KLK14: variants seen among roughly 807,000 people sequenced by gnomAD.
KLK14 encodes the protein kallikrein related peptidase 14.
Under a neutral mutation model 24.6 loss-of-function variants are expected in KLK14, and 21 were observed. That is an observed-to-expected ratio of 0.85 (90% CI 0.61 to 1.23). KLK14 has a LOEUF of 1.23. Ranked by LOEUF, KLK14 falls within the 50% of genes most tolerant of loss-of-function variation. The pLI is 0.00. For synonymous variants in KLK14, 133 were observed against 139.7 expected (o/e 0.95, Z 0.34); for missense variants, 320 against 338.9 (o/e 0.94, Z 0.44).
chr19:51,077,856 G>C (rs2122742931), downstream of KLK14: 1 of 674,942 alleles, frequency 1.5e-6, no homozygotes, highest in Non-Finnish European at 2.3e-6. Flanking sequence ...GGAGGGGCTG[G>C]GGGCCTGGAC....
chr19:51,082,898 C>T (rs368879984), upstream of KLK14: 73 of 846,802 alleles, frequency 8.6e-5, 6 homozygotes, highest in Admixed American at 5.5e-4. Flanking sequence ...TTCCTAGTCA[C>T]ACTGGCAAAG....
At chr19:51,082,544 C>A (rs369738539) in intron 2 of KLK14, 31 bp downstream of exon 2, 1 of 1,609,452 alleles carries the variant, frequency 6.2e-7, no homozygotes, top group Non-Finnish European at 8.5e-7. Context: ...TCCAGGGGAC[C>A]CCCTTGTGTC....
intron 3 of KLK14, 109 bp downstream of exon 3, chr19:51,081,423 G>T: frequency 1.9e-6 from 2 of 1,038,154 alleles, no homozygotes; most frequent in Non-Finnish European, 2.6e-6. Flanking sequence ...CAAACCAGGA[G>T]CCAGCCACTA....
At chr19:51,079,765 C>G in intron 3 of KLK14, 63 bp from the exon 4 acceptor site, 1 of 1,500,730 alleles carries the variant, frequency 6.7e-7, no homozygotes, top group Non-Finnish European at 8.9e-7. Context: ...TCCCCACCCT[C>G]CAGCCCGGTT....
upstream of KLK14, among the ~76,000 whole-genome samples, chr19:51,083,270 G>GAA (rs2091851421): frequency 9.4e-6 from 1 of 106,368 alleles, no homozygotes; most frequent in African/African-American, 3.3e-5. Context: ...AGGGAGTCAC[G>GAA]GGAGGAGGGA....
At chr19:51,083,290 A>AGAGG (rs200089117), upstream of KLK14, among the ~76,000 whole-genome samples, 24,832 of 138,226 alleles carry the variant, frequency 0.18, 2,760 homozygotes, top group Middle Eastern at 0.33. Context: ...AGAGAGGGAG[A>AGAGG]GAGAGAGAGA....
chr19:51,082,707 G>T lies in KLK14; in HGVS notation c.-23+15C>A. On this transcript the variant is annotated intron_variant, in intron 1 of 5. Transcript: ENST00000650543. ...AACCGGGGGCTGAGAGGCAGAGACA[G>T]CAAGGGGCACTTACCCAGAGCCCAA... 1 of 1,614,164 alleles carries T rather than the reference G, an allele frequency of 6.2e-7. No individual in the cohort carries two copies. Among genetic ancestry groups the T allele is most frequent in the Non-Finnish European group, 8.5e-7 (1 of 1,180,016 alleles).
chr19:51,081,868 C>G (rs2091841899), intron 2 of KLK14, among the ~76,000 whole-genome samples, 165 bp from the exon 3 acceptor site: 1 of 152,124 alleles, frequency 6.6e-6, no homozygotes, highest in Non-Finnish European at 1.5e-5. Context: ...AATATTGACC[C>G]CGTTATTGCC....
intron 3 of KLK14, among the ~76,000 whole-genome samples, chr19:51,080,700 T>G (rs1180471149): frequency 1.3e-5 from 2 of 152,022 alleles, no homozygotes; most frequent in Non-Finnish European, 2.9e-5. Context: ...TGATATGGAG[T>G]TTCGCTCTTG....
At position 51,082,828 on chromosome 19, in the gene KLK14, G is replaced by A. The variant is rs2091849585; in HGVS notation, c.-129C>T. The A allele has an allele frequency of 3.5e-5, 53 of 1,498,322 alleles. No homozygotes were observed. The South Asian group carries it at 5.5e-4, about 16-fold the overall frequency. The allele number at this position is 1,498,322 out of a possible 1,614,324, so 92.8% of individuals were successfully genotyped here. A position where few individuals can be genotyped will look rare whatever the true frequency, so the allele number is the denominator to read the frequency against. On this transcript the variant is annotated 5_prime_UTR_variant, in exon 1 of 6. Transcript: ENST00000650543. ...CTGCGGGCGGCAGGTGGGAGGATGT[G>A]GAGCAGGGCACAGGTCCCTCCTTGA...
At position 51,082,841 on chromosome 19, in the gene KLK14, G is replaced by T; in HGVS notation, c.-142C>A. On this transcript the variant is annotated 5_prime_UTR_variant, in exon 1 of 6. In the 5' UTR this introduces an upstream ATG that the reference lacks. Transcript: ENST00000650543. ...GTGGGAGGATGTGGAGCAGGGCACA[G>T]GTCCCTCCTTGATGTCTTGATGAAG... The T allele has an allele frequency of 7.2e-7, 1 of 1,390,702 alleles. No individual in the cohort carries two copies. The highest frequency in any genetic ancestry group is 1.2e-5 in the South Asian group (1 of 81,742). The allele number at this position is 1,390,702 out of a possible 1,614,324, so 86.1% of individuals were successfully genotyped here.
Position 51,078,086 on chromosome 19 carries a change from G to A in KLK14, c.677C>T (p.Ala226Val). ...GLVSWGMERC[A>V]LPGYPGVYTN... is the part of the protein sequence containing the mutation. ...GTAGACACCGGGGTAGCCAGGCAGG[G>A]CGCAGCGCTCCATTCCCCAAGACAC... Residue 226 changes from alanine (A) to valine (V), a missense_variant, in exon 6 of 6, where the codon GCC (alanine) becomes GTC (valine). Physicochemically the swap from Ala to Val is moderately conservative, Grantham distance 64 (BLOSUM62 0). Transcript: ENST00000650543. The surrounding 1 kb of genome is among the most constrained non-coding windows in gnomAD (Gnocchi z 5.0). The A allele has an allele frequency of 6.2e-7, 1 of 1,612,534 alleles. No homozygotes were observed. Among genetic ancestry groups the A allele is most frequent in the Non-Finnish European group, 8.5e-7 (1 of 1,179,370 alleles).
At position 51,078,303 on chromosome 19, in the gene KLK14, G is replaced by T; in HGVS notation, c.604-144C>A. On this transcript the variant is annotated intron_variant, in intron 5 of 5. Coordinates refer to ENST00000650543, the MANE Select transcript of KLK14 (RefSeq NM_001369775.2). This position sits in a 1 kb window ranked among gnomAD's most constrained non-coding sequence, Gnocchi z 5.0. Reference sequence around the variant, plus strand: ...GACACAGTCCTGCCCCAGCTCTGAGGTCTCAGCCCCGGAGGTCGGGGCACT... The same window carrying T: ...GACACAGTCCTGCCCCAGCTCTGAGTTCTCAGCCCCGGAGGTCGGGGCACT... 1.1e-6 allele frequency: 1 copy of T among 905,216 alleles called. No homozygotes were observed. The highest frequency in any genetic ancestry group is 1.6e-6 in the Non-Finnish European group (1 of 611,176). The allele number at this position is 905,216 out of a possible 1,614,324, so 56.1% of individuals were successfully genotyped here.
chr19:51,078,203 C>T lies in KLK14; in HGVS notation c.604-44G>A. 6.3e-7 allele frequency: 1 copy of T among 1,595,062 alleles called. No homozygotes were observed. Among genetic ancestry groups the T allele is most frequent in the Non-Finnish European group, 8.5e-7 (1 of 1,169,656 alleles). On this transcript the variant is annotated intron_variant, in intron 5 of 5. Coordinates refer to ENST00000650543, the MANE Select transcript of KLK14 (RefSeq NM_001369775.2). The surrounding 1 kb of genome is among the most constrained non-coding windows in gnomAD (Gnocchi z 5.0). ...AATGGAGACACTGATGGACAGGTAG[C>T]CAGAGCCACCATGGCACAGAGAACC...
upstream of KLK14, among the ~76,000 whole-genome samples, chr19:51,083,075 G>T (rs918642020): frequency 1.3e-5 from 2 of 151,362 alleles, no homozygotes; most frequent in Non-Finnish European, 2.9e-5. Context: ...ATGAGAACCC[G>T]CCCAGGGAAG....
At chr19:51,080,050 A>G (rs913555759) in intron 3 of KLK14, among the ~76,000 whole-genome samples, 1 of 152,176 alleles carries the variant, frequency 6.6e-6, no homozygotes, top group East Asian at 1.9e-4. Context: ...TCTAAATCGG[A>G]ACTGATATTC....
In KLK14 at chr19:51,078,018, G is replaced by T; in HGVS notation, c.745C>A (p.Arg249=). 1 of 1,613,844 alleles carries T rather than the reference G, an allele frequency of 6.2e-7. No individual in the cohort carries two copies. The highest frequency in any genetic ancestry group is 8.5e-7 in the Non-Finnish European group (1 of 1,179,816). Residue 249 remains arginine (R), a synonymous_variant, in exon 6 of 6, where the codon CGG becomes AGG. Coordinates refer to ENST00000650543, the MANE Select transcript of KLK14 (RefSeq NM_001369775.2). The surrounding 1 kb of genome is among the most constrained non-coding windows in gnomAD (Gnocchi z 5.0). ...KYRSWIEETM[R]DK ...CACCGTGAAGACCATCATTTGTCCC[G>T]CATCGTTTCCTCAATCCAGCTTCTG...
At chr19:51,080,107 C>T (rs189461053) in intron 3 of KLK14, among the ~76,000 whole-genome samples, 4 of 152,320 alleles carry the variant, frequency 2.6e-5, no homozygotes, top group Admixed American at 2.6e-4. Context: ...GAGTTCTAGA[C>T]ATCTTAAACT....
At chr19:51,080,263 A>G (rs1192898800) in intron 3 of KLK14, among the ~76,000 whole-genome samples, 1 of 151,614 alleles carries the variant, frequency 6.6e-6, no homozygotes, top group Non-Finnish European at 1.5e-5. Context: ...TCGACCTCCA[A>G]CTCCCAGTTC....
Sources: allele counts gnomAD v4.1 joint callset (sites outside exome capture counted in the v4.1 genomes callset), GRCh38; gene constraint gnomAD v4.1.1; non-coding constraint Gnocchi (gnomAD v3.1); transcripts MANE v1.5; gene names NCBI Gene and HGNC (gene_info 2026-07-23, HGNC 2026-07-21).